The following TMEM72 variants were observed in gnomAD, a reference collection of about 807,000 sequenced individuals.
The protein encoded by TMEM72 is kidney-specific secretory protein of 37 kDa.
Under a neutral mutation model 16.3 loss-of-function variants are expected in TMEM72, and 9 were observed. That is an observed-to-expected ratio of 0.55 (90% CI 0.33 to 0.96). The LOEUF (loss-of-function observed/expected upper bound fraction) is 0.96. TMEM72 is among the 40% of genes least tolerant of loss of function. The pLI, the probability that TMEM72 is intolerant of heterozygous loss-of-function variation, is 0.03. For missense variants in TMEM72, 324 were observed against 337.8 expected (o/e 0.96, Z 0.32); for synonymous variants, 160 against 146.5 (o/e 1.09, Z -0.66).
At chr10:44,934,160 G>T (rs868355498) in intron 4 of TMEM72, among the ~76,000 whole-genome samples, 11 of 152,242 alleles carry the variant, frequency 7.2e-5, no homozygotes, top group Admixed American at 1.3e-4. Flanking sequence ...CCTCAGCCTG[G>T]TTTGAAAGGC....
intron 1 of TMEM72, among the ~76,000 whole-genome samples, chr10:44,915,434 G>A (rs140971528): frequency 1.3e-4 from 20 of 152,234 alleles, no homozygotes; most frequent in Middle Eastern, 3.4e-3. Context: ...CTGATGGAGC[G>A]AAGCATCTTG....
intron 2 of TMEM72, among the ~76,000 whole-genome samples, chr10:44,928,521 C>T (rs1840238526): frequency 6.6e-6 from 1 of 151,020 alleles, no homozygotes; most frequent in Non-Finnish European, 1.5e-5. Context: ...CATACACACA[C>T]CCATTCACCC....
rs369873974 is a variant in TMEM72, at chr10:44,933,747, C to A, written c.320C>A (p.Pro107Gln). 6.2e-7 allele frequency: 1 copy of A among 1,613,946 alleles called. No homozygotes were observed. Among genetic ancestry groups the A allele is most frequent in the South Asian group, 1.1e-5 (1 of 91,082 alleles). The change falls in exon 4 of 5, where the codon CCG becomes CAG. Residue 107 changes from proline to glutamine, a missense_variant. Physicochemically the swap from Pro to Gln is moderately conservative, Grantham distance 76. Transcript: ENST00000389583. ...LLLSVACFLH[P>Q]VLVWHVTIPG... ...CTGTCGGTGGCCTGCTTCCTCCACC[C>A]GGTCCTGGTCTGGCACGTGACCATC...
Position 44,934,985 on chromosome 10 carries a change from A to G in TMEM72, c.679A>G (p.Asn227Asp), listed in dbSNP as rs1840374036. 7.4e-6 allele frequency: 12 copies of G among 1,614,056 alleles called. No individual in the cohort carries two copies. Among genetic ancestry groups the G allele is most frequent in the Non-Finnish European group, 9.3e-6 (11 of 1,180,002 alleles). Residue 227 changes from asparagine (N) to aspartate (D), a missense_variant, in exon 5 of 5, where the codon AAC becomes GAC. Physicochemically the swap from Asn to Asp is conservative, Grantham distance 23. Transcript: ENST00000389583. ...GAAGAAGCAGGTGCACTTTGAAGAC[A>G]ACTTGGTCCGCATAGTCCCCTCCCT... is the stretch of plus-strand genomic sequence containing the variant. ...AKKKQVHFED[N>D]LVRIVPSLAE...
intron 1 of TMEM72, chr10:44,920,008 C>G (rs1383665494): frequency 6.6e-6 from 1 of 152,278 alleles, no homozygotes; most frequent in Admixed American, 6.5e-5. Flanking sequence ...TCACCTCTAC[C>G]CTGGCGGTGA....
chr10:44,911,484 G>A lies in TMEM72; in HGVS notation c.-29G>A. The A allele has an allele frequency of 6.5e-7, 1 of 1,548,780 alleles. No individual in the cohort carries two copies. On this transcript the variant is annotated 5_prime_UTR_variant, in exon 1 of 5. Transcript: ENST00000389583. Reference sequence around the variant, plus strand: ...GGCCGAAGACTTTGCTGCCTGCCCTGCCAGGACTTTGTCCTCACCCCTGGC... The same window carrying A: ...GGCCGAAGACTTTGCTGCCTGCCCTACCAGGACTTTGTCCTCACCCCTGGC...
rs1171645966 is a variant in TMEM72 at position 44,934,969 on chromosome 10, G to A, written c.663G>A (p.Gln221=). 1.2e-6 allele frequency: 2 copies of A among 1,613,970 alleles called. No individual in the cohort carries two copies. The highest frequency in any genetic ancestry group is 2.7e-5 in the African/African-American group (2 of 74,920). The part of the protein sequence containing the change: ...EPADSLAKKK[Q]VHFEDNLVRI... ...CCGACTCCCTGGCCAAGAAGAAGCA[G>A]GTGCACTTTGAAGACAACTTGGTCC... Residue 221 remains glutamine (Q), a synonymous_variant, in exon 5 of 5, where the codon CAG becomes CAA. Transcript: ENST00000389583.
intron 2 of TMEM72, among the ~76,000 whole-genome samples, chr10:44,928,819 CACCT>C (rs1840244746): frequency 6.6e-6 from 1 of 151,964 alleles, no homozygotes; most frequent in African/African-American, 2.4e-5. Flanking sequence ...TCCATCCACC[CACCT>C]ATCCATCCAT....
intron 1 of TMEM72, among the ~76,000 whole-genome samples, chr10:44,918,069 A>G (rs1056208041): frequency 6.6e-6 from 1 of 152,186 alleles, no homozygotes; most frequent in African/African-American, 2.4e-5. Flanking sequence ...GGATGGCAGC[A>G]GGCAAGGAGA....
chr10:44,921,982 T>C (rs1840106672), intron 1 of TMEM72, among the ~76,000 whole-genome samples: 1 of 152,170 alleles, frequency 6.6e-6, no homozygotes, highest in Admixed American at 6.5e-5. Flanking sequence ...TAATGGCAAA[T>C]ATCTTCTTAG....
intron 2 of TMEM72, among the ~76,000 whole-genome samples, chr10:44,929,739 A>G (rs1034002512): frequency 6.6e-6 from 1 of 152,230 alleles, no homozygotes; most frequent in Non-Finnish European, 1.5e-5. Context: ...GTACAGCAGG[A>G]GGCTTCTGAC....
At chr10:44,918,601 T>C (rs920377248) in intron 1 of TMEM72, among the ~76,000 whole-genome samples, 1 of 152,166 alleles carries the variant, frequency 6.6e-6, no homozygotes, top group South Asian at 2.1e-4. Flanking sequence ...TACAAATATA[T>C]TGAAAGAATG....
At position 44,925,848 on chromosome 10, in the gene TMEM72, C is replaced by G. The variant is rs184365121; in HGVS notation, c.71-2073C>G. Among the ~76,000 whole-genome samples the G allele has an allele frequency of 4.6e-5, 7 of 152,220 alleles. No individual in the cohort carries two copies. The East Asian group carries it at 1.3e-3, about 29-fold the overall frequency. ...GCTGGGTGCTGATAATAGGACATGG[C>G]GAAAACCAAATAAATGGCCATTTGC... On this transcript the variant is annotated intron_variant, in intron 1 of 4. Coordinates refer to ENST00000389583, the MANE Select transcript of TMEM72 (RefSeq NM_001123376.3).
At position 44,935,065 on chromosome 10, in the gene TMEM72, G is replaced by C. The variant is rs371286835; in HGVS notation, c.759G>C (p.Thr253=). 2 of 1,613,534 alleles carry C rather than the reference G, an allele frequency of 1.2e-6. No homozygotes were observed. Among genetic ancestry groups the C allele is most frequent in the Non-Finnish European group, 1.7e-6 (2 of 1,179,822 alleles). Residue 253 remains threonine (T), a synonymous_variant, in exon 5 of 5, where the codon ACG becomes ACC. Transcript: ENST00000389583. ...AGCCAGAGGAGACCACCTCTGACAC[G>C]ACACCCATCATTCCCCCTCCCCAGG... ...DSEPEETTSD[T]TPIIPPPQAP...
At chr10:44,914,423 TG>T (rs1435374508) in intron 1 of TMEM72, among the ~76,000 whole-genome samples, 1 of 152,214 alleles carries the variant, frequency 6.6e-6, no homozygotes, top group Admixed American at 6.5e-5. Context: ...GATGTGGGGT[TG>T]GGGGGCAGGC....
At chr10:44,921,397 TC>T (rs150390088) in intron 1 of TMEM72, among the ~76,000 whole-genome samples, 26,866 of 152,024 alleles carry the variant, frequency 0.18, 2,478 homozygotes, top group African/African-American at 0.2. Context: ...TGTTCAGTGT[TC>T]CCTTGCCCCT....
At chr10:44,914,982 A>G (rs4948928) in intron 1 of TMEM72, among the ~76,000 whole-genome samples, 143,397 of 152,300 alleles carry the variant, frequency 0.94, 67,607 homozygotes, top group East Asian at 1. Flanking sequence ...CCTTTGTGGG[A>G]CAGAGGAGGC....
chr10:44,914,100 T>C (rs1214638589), intron 1 of TMEM72, among the ~76,000 whole-genome samples: 3 of 152,166 alleles, frequency 2.0e-5, no homozygotes, highest in Admixed American at 6.5e-5. Context: ...TCTGCCAGCA[T>C]GTCAAGGCCC....
At position 44,935,477 on chromosome 10, in the gene TMEM72, C is replaced by T. The variant is rs1168941095; in HGVS notation, c.*343C>T. On this transcript the variant is annotated 3_prime_UTR_variant, in exon 5 of 5. Transcript: ENST00000389583. ...GCCCAGAAGGGACAGAGGATGTCTG[C>T]CCAGCAAAAGCCTCTGGGCTTTTCT... 5 of 245,870 alleles carry T rather than the reference C, an allele frequency of 2.0e-5. No homozygotes were observed. Among genetic ancestry groups the T allele is most frequent in the Non-Finnish European group, 2.3e-5 (3 of 129,514 alleles). 15.2% of individuals were successfully genotyped at this position (245,870 alleles called of 1,614,324 possible). A position where few individuals can be genotyped will look rare whatever the true frequency, so the allele number is the denominator to read the frequency against.
Sources: allele counts gnomAD v4.1 joint callset (sites outside exome capture counted in the v4.1 genomes callset), GRCh38; gene constraint gnomAD v4.1.1; transcripts MANE v1.5; gene names NCBI Gene and HGNC (gene_info 2026-07-23, HGNC 2026-07-21).